EMSY: variants seen among roughly 807,000 people sequenced by gnomAD.
The protein encoded by EMSY is BRCA2-interacting transcriptional repressor EMSY.
EMSY carries 26 observed loss-of-function variants against 134.6 expected under a neutral mutation model. The observed-to-expected ratio is 0.19, with a 90% CI of 0.14 to 0.27. The LOEUF (loss-of-function observed/expected upper bound fraction) is 0.27, where lower values mean the gene tolerates loss of function less well. Among genes scored for constraint, EMSY ranks in the 10% least tolerant of loss-of-function variants. EMSY has a pLI of 1.00. For missense variants in EMSY, 1,305 were observed against 1,611.4 expected, an observed-to-expected ratio of 0.81 and a Z score of 3.26; for synonymous variants, 579 against 577.8, an observed-to-expected ratio of 1.00 and a Z score of -0.03.
chr11:76,458,124 T>C, intron 4 of EMSY, 59 bp from the exon 6 acceptor site: 1 of 1,466,548 alleles, frequency 6.8e-7, no homozygotes, highest in Middle Eastern at 1.8e-4. Flanking sequence ...TGAGCATATA[T>C]GTTTGATTTG....
At chr11:76,482,622 G>T (rs1043531587) in intron 8 of EMSY, among the ~76,000 whole-genome samples, 1 of 152,156 alleles carries the variant, frequency 6.6e-6, no homozygotes, top group African/African-American at 2.4e-5. Context: ...ATCAATAGCT[G>T]AATCAACTAA....
chr11:76,496,466 T>A (rs781687004), exon 9 of EMSY: 1 of 1,613,916 alleles, frequency 6.2e-7, no homozygotes, highest in Non-Finnish European at 8.5e-7. Flanking sequence ...CAAACAGGAG[T>A]CAGGTAACTG....
intron 8 of EMSY, among the ~76,000 whole-genome samples, chr11:76,476,784 A>C (rs1478824115): frequency 6.6e-6 from 1 of 152,116 alleles, no homozygotes; most frequent in African/African-American, 2.4e-5. Context: ...TTCTTCAGGG[A>C]GTCCTGGTTT....
At chr11:76,549,965 A>G (rs1951789377) in exon 21 of EMSY, 5 of 1,611,266 alleles carry the variant, frequency 3.1e-6, no homozygotes, top group African/African-American at 1.3e-5. Flanking sequence ...ATTCCTCAGT[A>G]TGCTATTCCT....
intron 8 of EMSY, among the ~76,000 whole-genome samples, chr11:76,491,311 G>A (rs1949415230): frequency 6.6e-6 from 1 of 151,694 alleles, no homozygotes; most frequent in Admixed American, 6.6e-5. Context: ...CTCCTGAGTA[G>A]CTGGGACTAC....
At chr11:76,445,443 A>G (rs1353252728) in intron 1 of EMSY, among the ~76,000 whole-genome samples, 1 of 152,000 alleles carries the variant, frequency 6.6e-6, no homozygotes, top group Non-Finnish European at 1.5e-5. Flanking sequence ...GGGACCCCTG[A>G]CAACAGCTAC....
chr11:76,480,935 T>G (rs138203247), intron 8 of EMSY, among the ~76,000 whole-genome samples: 2,621 of 152,320 alleles, frequency 0.017, 41 homozygotes, highest in South Asian at 0.046. Flanking sequence ...ACCAGGAGAT[T>G]CCTTCGGGTG....
At chr11:76,445,519 G>T (rs920105823) in intron 1 of EMSY, among the ~76,000 whole-genome samples, 2 of 152,146 alleles carry the variant, frequency 1.3e-5, no homozygotes, top group African/African-American at 2.4e-5. Flanking sequence ...CGGGTGAGGA[G>T]CCTGGGCTGG....
intron 9 of EMSY, among the ~76,000 whole-genome samples, chr11:76,508,126 C>T (rs1950149456): frequency 1.3e-5 from 2 of 152,162 alleles, no homozygotes; most frequent in South Asian, 2.1e-4. Context: ...CTGCCACAGC[C>T]TCCCAAAGTG....
chr11:76,450,193 T>C (rs1426656338), intron 2 of EMSY, among the ~76,000 whole-genome samples: 1 of 152,116 alleles, frequency 6.6e-6, no homozygotes, highest in Non-Finnish European at 1.5e-5. Context: ...ATTTGGTATA[T>C]ATAATGGGAC....
chr11:76,539,772 G>A, intron 17 of EMSY, 132 bp downstream of exon 18: 1 of 857,416 alleles, frequency 1.2e-6, no homozygotes, highest in Non-Finnish European at 1.9e-6. Context: ...GAAAGGAAGA[G>A]AGATTTTTCT....
Position 76,445,937 on chromosome 11 carries a change from G to C in EMSY, c.-40+809G>C, listed in dbSNP as rs190916072. ...GAGCTGAGAGGACTATGGGAAGTAG[G>C]GGGAGGGGGGCTCACCTCGGGACAC... On this transcript the variant is annotated intron_variant, in intron 1 of 20. Coordinates refer to ENST00000334736, the Ensembl canonical transcript of EMSY. 4.6e-5 allele frequency among the ~76,000 whole-genome samples: 7 copies of C among 152,318 alleles called. No homozygotes were observed. The East Asian group carries it at 5.8e-4, about 13-fold the overall frequency.
intron 6 of EMSY, 105 bp from the exon 8 acceptor site, chr11:76,463,716 C>T: frequency 7.7e-7 from 1 of 1,296,168 alleles, no homozygotes; most frequent in Non-Finnish European, 1.1e-6. Context: ...TGGCTAATGG[C>T]TTAAGACAGA....
intron 7 of EMSY, among the ~76,000 whole-genome samples, chr11:76,465,338 T>A (rs1948304772): frequency 6.6e-6 from 1 of 152,198 alleles, no homozygotes; most frequent in South Asian, 2.1e-4. Context: ...ACTTACTAGC[T>A]GCGTGACTGT....
intron 9 of EMSY, among the ~76,000 whole-genome samples, chr11:76,511,937 G>C (rs190131341): frequency 2.0e-5 from 3 of 152,152 alleles, no homozygotes; most frequent in Admixed American, 2.0e-4. Flanking sequence ...TGGATGAGGA[G>C]ACTGAGTCAC....
exon 19 of EMSY, chr11:76,544,598 G>T (rs759243995): frequency 3.7e-6 from 6 of 1,614,004 alleles, no homozygotes; most frequent in African/African-American, 1.3e-5. Flanking sequence ...GCCCAAGCCA[G>T]ATGTACAGCA....
chr11:76,539,241 T>G (rs1229574004), intron 16 of EMSY, among the ~76,000 whole-genome samples: 1 of 152,174 alleles, frequency 6.6e-6, no homozygotes, highest in Non-Finnish European at 1.5e-5. Flanking sequence ...TTAAGAGAGA[T>G]GACTTATGAG....
intron 8 of EMSY, among the ~76,000 whole-genome samples, chr11:76,493,139 TTTCAGAGCAAAG>T (rs1029103180): frequency 1.3e-5 from 2 of 151,980 alleles, no homozygotes; most frequent in Non-Finnish European, 2.9e-5. Flanking sequence ...TCTGCTCCGG[TTTCAGAGCAAAG>T]TTGAGGCCTA....
intron 15 of EMSY, 96 bp downstream of exon 16, chr11:76,536,155 TTTA>T (rs1591004780): frequency 2.8e-5 from 22 of 780,308 alleles, no homozygotes; most frequent in Non-Finnish European, 3.1e-5. Context: ...ATTACTATTA[TTTA>T]TTATTATTAT....
Sources: allele counts gnomAD v4.1 joint callset (sites outside exome capture counted in the v4.1 genomes callset), GRCh38; gene constraint gnomAD v4.1.1; transcripts MANE v1.5; gene names NCBI Gene and HGNC (gene_info 2026-07-23, HGNC 2026-07-21).